Variants in FBXL17 observed in about 807,000 individuals in gnomAD.
FBXL17 encodes the protein F-box and leucine rich repeat protein 17.
A neutral mutation model predicts 66.2 loss-of-function variants in FBXL17; 22 were observed. That is an observed-to-expected ratio of 0.33 (90% CI 0.24 to 0.47). FBXL17 has a LOEUF of 0.47. Ranked by LOEUF, FBXL17 falls within the 20% of genes least tolerant of loss-of-function variation. The pLI is 1.00. For synonymous variants in FBXL17, 474 were observed against 400.5 expected, an observed-to-expected ratio of 1.18 and a Z score of -2.19; for missense variants, 878 against 948.2, an observed-to-expected ratio of 0.93 and a Z score of 0.97.
chr5:108,157,957 A>G (rs286776), intron 6 of FBXL17, among the ~76,000 whole-genome samples: 30,311 of 151,972 alleles, frequency 0.2, 3,302 homozygotes, highest in South Asian at 0.41. Flanking sequence ...GAAAAGAGGG[A>G]AAGTTCACAG....
chr5:108,255,157 T>C (rs1257173690), intron 4 of FBXL17, among the ~76,000 whole-genome samples: 10 of 152,130 alleles, frequency 6.6e-5, no homozygotes, highest in Admixed American at 6.6e-4. Context: ...TTTTTCAACA[T>C]AATAAAATAC....
chr5:108,207,692 T>C (rs566032614), intron 5 of FBXL17, among the ~76,000 whole-genome samples: 3 of 152,346 alleles, frequency 2.0e-5, no homozygotes, highest in Admixed American at 6.5e-5. Context: ...ATGGTGTATA[T>C]GTGCCACATT....
intron 7 of FBXL17, among the ~76,000 whole-genome samples, chr5:107,902,495 C>G (rs913802499): frequency 1.3e-5 from 2 of 152,108 alleles, no homozygotes; most frequent in African/African-American, 4.8e-5. Flanking sequence ...GTGTTATTAT[C>G]CTACCACAGC....
chr5:108,128,687 G>A (rs1172851556), intron 6 of FBXL17, among the ~76,000 whole-genome samples: 1 of 152,000 alleles, frequency 6.6e-6, no homozygotes, highest in East Asian at 1.9e-4. Context: ...AAAATTATGT[G>A]AAGATCTACA....
chr5:108,136,026 G>A (rs1203313748), intron 6 of FBXL17, among the ~76,000 whole-genome samples: 1 of 152,030 alleles, frequency 6.6e-6, no homozygotes, highest in East Asian at 1.9e-4. Flanking sequence ...TTTCAAAATA[G>A]GAGGAAAAAA....
intron 4 of FBXL17, among the ~76,000 whole-genome samples, chr5:108,277,982 T>C (rs149847692): frequency 2.9e-5 from 4 of 136,516 alleles, no homozygotes; most frequent in East Asian, 2.3e-4. Context: ...ACAATCACAC[T>C]GTGAATACAT....
chr5:108,254,625 G>A (rs1756497146), intron 4 of FBXL17, among the ~76,000 whole-genome samples: 1 of 152,142 alleles, frequency 6.6e-6, no homozygotes, highest in Admixed American at 6.6e-5. Context: ...ATATTAAAGA[G>A]TAATAGATTT....
At chr5:107,965,717 G>T (rs1278495157) in intron 7 of FBXL17, among the ~76,000 whole-genome samples, 1 of 152,110 alleles carries the variant, frequency 6.6e-6, no homozygotes, top group African/African-American at 2.4e-5. Context: ...ATACATGGAG[G>T]TATAGCCAGT....
chr5:108,186,105 T>G lies in FBXL17; in HGVS notation c.1745+12A>C. 6.2e-7 allele frequency: 1 copy of G among 1,601,802 alleles called. No homozygotes were observed. Among genetic ancestry groups the G allele is most frequent in the Non-Finnish European group, 8.5e-7 (1 of 1,171,480 alleles). ...CTCTAGAAAAGTATTTTTAACATGT[T>G]ACAATGGTTACCTGTCATTTATGAT... On this transcript the variant is annotated intron_variant, in intron 6 of 8. Coordinates refer to ENST00000542267, the MANE Select transcript of FBXL17 (RefSeq NM_001163315.3).
At chr5:107,933,547 T>C (rs1399267113) in intron 7 of FBXL17, among the ~76,000 whole-genome samples, 1 of 152,168 alleles carries the variant, frequency 6.6e-6, no homozygotes, top group African/African-American at 2.4e-5. Flanking sequence ...GTCTTCCTAA[T>C]TATTTCAAAC....
intron 6 of FBXL17, among the ~76,000 whole-genome samples, chr5:108,165,628 C>T (rs537433945): frequency 1.3e-5 from 2 of 152,312 alleles, no homozygotes; most frequent in Non-Finnish European, 1.5e-5. Flanking sequence ...TCATCACTAA[C>T]TAGCTGCATG....
chr5:108,165,740 GTGTC>G (rs1353650315), intron 6 of FBXL17, among the ~76,000 whole-genome samples: 1 of 152,140 alleles, frequency 6.6e-6, no homozygotes, highest in East Asian at 1.9e-4. Flanking sequence ...ACAATTCTGA[GTGTC>G]TGTGGTTAAA....
intron 7 of FBXL17, among the ~76,000 whole-genome samples, chr5:107,881,703 C>T (rs183827456): frequency 6.6e-6 from 1 of 152,230 alleles, no homozygotes; most frequent in African/African-American, 2.4e-5. Flanking sequence ...CTTCTTGGGA[C>T]TGTTAGGAAT....
chr5:108,176,139 T>C (rs2150021620), intron 6 of FBXL17, among the ~76,000 whole-genome samples: 1 of 152,310 alleles, frequency 6.6e-6, no homozygotes, highest in South Asian at 2.1e-4. Context: ...TTTTCTTCAT[T>C]GTTGGCAATT....
chr5:108,169,628 A>G (rs1038795592), intron 6 of FBXL17, among the ~76,000 whole-genome samples: 11 of 152,168 alleles, frequency 7.2e-5, no homozygotes, highest in African/African-American at 2.7e-4. Context: ...CACATACCTC[A>G]CAGATAAGCC....
chr5:108,235,770 C>T (rs1408269729), intron 4 of FBXL17, among the ~76,000 whole-genome samples: 5 of 152,200 alleles, frequency 3.3e-5, no homozygotes, highest in African/African-American at 9.6e-5. Flanking sequence ...GTTCACTACT[C>T]TAGCCCTAGA....
intron 6 of FBXL17, among the ~76,000 whole-genome samples, chr5:108,083,246 CACACAG>C (rs761362856): frequency 1.4e-5 from 2 of 141,454 alleles, no homozygotes; most frequent in African/African-American, 2.8e-5. Context: ...CACACACACA[CACACAG>C]AGAGAGAGAT....
chr5:108,250,600 A>C (rs1445478142), intron 4 of FBXL17, among the ~76,000 whole-genome samples: 2 of 152,116 alleles, frequency 1.3e-5, no homozygotes, highest in Admixed American at 1.3e-4. Context: ...GAAGAGATAG[A>C]AATTCTGACA....
rs552351625 is a variant in FBXL17 at position 108,302,844 on chromosome 5, C to T, written c.1506+45555G>A. On this transcript the variant is annotated intron_variant, in intron 4 of 8. Coordinates refer to ENST00000542267, the MANE Select transcript of FBXL17 (RefSeq NM_001163315.3). ...TCAGTAATAATTCATAGTTCAAAAT[C>T]ATTTTTTGTTTATAAAAAAGAAAAG... Among the ~76,000 whole-genome samples, 5 of 151,678 alleles carry T rather than the reference C, an allele frequency of 3.3e-5. No individual in the cohort carries two copies. The South Asian group carries it at 1.0e-3, about 32-fold the overall frequency.
Sources: gnomAD v4.1 joint callset for allele counts (sites outside exome capture counted in the v4.1 genomes callset) on GRCh38, gnomAD v4.1.1 for gene constraint, MANE v1.5 for transcripts, NCBI Gene and HGNC (gene_info 2026-07-23, HGNC 2026-07-21) for gene names.